The following FIRRM variants were observed in gnomAD, a reference collection of about 807,000 sequenced individuals.
The protein encoded by FIRRM is FIGNL1-interacting regulator of recombination and mitosis.
At chr1:169,793,798 TG>T in the FIRRM span, 3 of 1,117,878 alleles carry the variant, frequency 2.7e-6, no homozygotes, top group Non-Finnish European at 1.3e-6. Context: ...TTAGTTTTGT[TG>T]GGCCCAATTT....
At chr1:169,793,501 T>G in the FIRRM span, 1 of 1,614,196 alleles carries the variant, frequency 6.2e-7, no homozygotes, top group East Asian at 2.2e-5. Context: ...CATTTTCCAT[T>G]GACTTATGTT....
chr1:169,853,683 T>C, the FIRRM span: 1 of 1,605,994 alleles, frequency 6.2e-7, no homozygotes, highest in South Asian at 1.1e-5. Flanking sequence ...AAGGGAATCC[T>C]TTTTCCTAAA....
the FIRRM span, chr1:169,800,912 T>C: frequency 6.3e-7 from 1 of 1,593,894 alleles, no homozygotes; most frequent in Non-Finnish European, 8.6e-7. Flanking sequence ...AGAAATGTTT[T>C]TACCTCATAT....
the FIRRM span, among the ~76,000 whole-genome samples, chr1:169,838,319 C>T: frequency 2.4e-4 from 37 of 151,874 alleles, no homozygotes; most frequent in African/African-American, 7.5e-4. Context: ...TAAATGTGTC[C>T]GAGTTTAGCA....
At chr1:169,829,372 G>A in the FIRRM span, 2 of 1,613,882 alleles carry the variant, frequency 1.2e-6, no homozygotes, top group Non-Finnish European at 1.7e-6. Context: ...TGAGGTGGCT[G>A]TCACCTTGTA....
the FIRRM span, among the ~76,000 whole-genome samples, chr1:169,786,323 C>T: frequency 6.6e-6 from 1 of 152,066 alleles, no homozygotes. Context: ...TGTAAAAATC[C>T]TGGAGAAGCT....
At chr1:169,824,323 C>T in the FIRRM span, among the ~76,000 whole-genome samples, 1 of 152,226 alleles carries the variant, frequency 6.6e-6, no homozygotes, top group South Asian at 2.1e-4. Context: ...CTCACAGGCT[C>T]AGTGACCTTG....
the FIRRM span, among the ~76,000 whole-genome samples, chr1:169,805,701 A>T: frequency 6.6e-6 from 1 of 152,332 alleles, no homozygotes; most frequent in Admixed American, 6.5e-5. Flanking sequence ...TTAGAATTAT[A>T]TCTGTAGAAT....
chr1:169,808,072 T>C, the FIRRM span: 2 of 783,030 alleles, frequency 2.6e-6, no homozygotes, highest in Non-Finnish European at 2.0e-6. Flanking sequence ...TCTGTGGGAT[T>C]ATTTATATCC....
chr1:169,821,793 G>A, the FIRRM span: 3 of 1,423,040 alleles, frequency 2.1e-6, no homozygotes, highest in Non-Finnish European at 2.9e-6. Flanking sequence ...TTATTTAATT[G>A]TAGTTCTCTC....
the FIRRM span, chr1:169,821,603 G>T: frequency 9.5e-7 from 1 of 1,057,054 alleles, no homozygotes; most frequent in Non-Finnish European, 1.3e-6. Context: ...AGAAAATATT[G>T]TCTCATTTGT....
the FIRRM span, among the ~76,000 whole-genome samples, chr1:169,833,053 C>G: frequency 1.3e-5 from 2 of 152,112 alleles, no homozygotes; most frequent in Non-Finnish European, 2.9e-5. Flanking sequence ...TGAAATAGAT[C>G]TTTCCCCTTA....
the FIRRM span, among the ~76,000 whole-genome samples, chr1:169,807,444 T>A: frequency 6.6e-6 from 1 of 152,230 alleles, no homozygotes; most frequent in Non-Finnish European, 1.5e-5. Flanking sequence ...TAATTAATTA[T>A]TCTTAAAATT....
chr1:169,820,095 A>C, the FIRRM span, among the ~76,000 whole-genome samples: 1 of 152,246 alleles, frequency 6.6e-6, no homozygotes, highest in Non-Finnish European at 1.5e-5. Flanking sequence ...CCATGTGGTT[A>C]CAAGGTCAAG....
chr1:169,852,046 T>A, the FIRRM span: 1 of 1,450,428 alleles, frequency 6.9e-7, no homozygotes, highest in African/African-American at 1.4e-5. Context: ...GAATTTCAAA[T>A]CAAATAGATC....
chr1:169,826,378 T>TC, the FIRRM span, among the ~76,000 whole-genome samples: 1 of 143,472 alleles, frequency 7.0e-6, no homozygotes, highest in South Asian at 2.2e-4. Flanking sequence ...TTTTTTTTTT[T>TC]CTGAGATAGA....
At chr1:169,815,861 G>A in the FIRRM span, among the ~76,000 whole-genome samples, 2 of 152,134 alleles carry the variant, frequency 1.3e-5, no homozygotes, top group African/African-American at 2.4e-5. Flanking sequence ...TTAATCCTAA[G>A]GGTTGTAGAG....
At chr1:169,800,058 C>A in the FIRRM span, among the ~76,000 whole-genome samples, 1 of 152,054 alleles carries the variant, frequency 6.6e-6, no homozygotes, top group African/African-American at 2.4e-5. Flanking sequence ...GGGACAGGGT[C>A]TTGCTTTGTC....
chr1:169,850,336 TC>T, the FIRRM span: 1 of 1,604,876 alleles, frequency 6.2e-7, no homozygotes, highest in Non-Finnish European at 8.5e-7. Flanking sequence ...TTGTATCCTT[TC>T]TGGAGAAGGT....
Sources: gnomAD v4.1 joint callset for allele counts (sites outside exome capture counted in the v4.1 genomes callset) on GRCh38, gnomAD v4.1.1 for gene constraint, MANE v1.5 for transcripts, NCBI Gene and HGNC (gene_info 2026-07-23, HGNC 2026-07-21) for gene names.